SDK1: variants seen among roughly 807,000 people sequenced by gnomAD.
The protein encoded by SDK1 is sidekick cell adhesion molecule 1.
A neutral mutation model predicts 245.5 loss-of-function variants in SDK1; 157 were observed. That is an observed-to-expected ratio of 0.64 (90% CI 0.56 to 0.73). SDK1 has a LOEUF of 0.73. Ranked by LOEUF, SDK1 falls within the 30% of genes least tolerant of loss-of-function variation. The probability of loss-of-function intolerance (pLI) is 0.00; values close to 1 mark genes in which losing one functional copy is unlikely to be tolerated. For synonymous variants in SDK1, 1,647 were observed against 1,278.5 expected, an observed-to-expected ratio of 1.29 and a Z score of -6.15; for missense variants, 3,583 against 3,002.3, an observed-to-expected ratio of 1.19 and a Z score of -4.52.
intron 35 of SDK1, among the ~76,000 whole-genome samples, chr7:4,199,512 T>C (rs1458649494): frequency 6.6e-6 from 1 of 152,200 alleles, no homozygotes; most frequent in Non-Finnish European, 1.5e-5. Flanking sequence ...ACCTTTAAAA[T>C]GGAAATATCT....
chr7:4,075,799 C>T (rs1007288820), intron 20 of SDK1, among the ~76,000 whole-genome samples: 2 of 151,948 alleles, frequency 1.3e-5, no homozygotes, highest in Non-Finnish European at 2.9e-5. Flanking sequence ...GGATTACAGG[C>T]GCCCACCACC....
chr7:3,745,678 C>T (rs1209332473), intron 4 of SDK1, among the ~76,000 whole-genome samples: 1 of 152,128 alleles, frequency 6.6e-6, no homozygotes, highest in East Asian at 1.9e-4. Context: ...TATAAAACTC[C>T]CCTGTTGCAC....
At chr7:4,228,255 G>A (rs1785553418) in intron 40 of SDK1, among the ~76,000 whole-genome samples, 1 of 152,152 alleles carries the variant, frequency 6.6e-6, no homozygotes, top group African/African-American at 2.4e-5. Flanking sequence ...CTCCAATGGC[G>A]TTTCAGTAAC....
At chr7:4,059,949 G>C (rs893490162) in intron 19 of SDK1, among the ~76,000 whole-genome samples, 1 of 149,700 alleles carries the variant, frequency 6.7e-6, no homozygotes, top group Non-Finnish European at 1.5e-5. Flanking sequence ...GCGCAGTCTC[G>C]GCTCACTGCA....
At chr7:3,974,136 A>G (rs912546260) in intron 12 of SDK1, among the ~76,000 whole-genome samples, 2 of 147,464 alleles carry the variant, frequency 1.4e-5, no homozygotes, top group African/African-American at 5.1e-5. Flanking sequence ...GTGGGCCAAG[A>G]TCATGCCACT....
At chr7:3,399,840 C>A (rs1229126689) in intron 1 of SDK1, among the ~76,000 whole-genome samples, 1 of 152,080 alleles carries the variant, frequency 6.6e-6, no homozygotes, top group African/African-American at 2.4e-5. Context: ...CCACTGTGGA[C>A]ATCTCATTTC....
At chr7:4,098,440 G>C (rs1019149942) in intron 22 of SDK1, among the ~76,000 whole-genome samples, 8 of 152,106 alleles carry the variant, frequency 5.3e-5, no homozygotes, top group Non-Finnish European at 7.3e-5. Context: ...AGATTTGCCT[G>C]TGTGTTTCAT....
At chr7:4,108,004 T>C (rs570912892) in intron 22 of SDK1, among the ~76,000 whole-genome samples, 1 of 152,358 alleles carries the variant, frequency 6.6e-6, no homozygotes, top group South Asian at 2.1e-4. Flanking sequence ...GGCCCATTTA[T>C]GCATCAGCTG....
intron 1 of SDK1, among the ~76,000 whole-genome samples, chr7:3,425,849 C>G (rs944279850): frequency 2.6e-5 from 4 of 152,062 alleles, no homozygotes; most frequent in Admixed American, 1.3e-4. Flanking sequence ...GAGACTTTCC[C>G]TCAGCAAGAT....
At chr7:3,421,611 T>C (rs938939951) in intron 1 of SDK1, among the ~76,000 whole-genome samples, 3 of 152,170 alleles carry the variant, frequency 2.0e-5, no homozygotes, top group Admixed American at 1.3e-4. Flanking sequence ...GAAGTGAAAT[T>C]AGTGGAGAAT....
chr7:3,995,819 A>AT (rs10605028), intron 14 of SDK1, among the ~76,000 whole-genome samples: 155 of 144,638 alleles, frequency 1.1e-3, no homozygotes, highest in East Asian at 2.1e-3. Context: ...GGCCTTAGGG[A>AT]TTTTTTTTTT....
In SDK1 at chr7:4,051,705, G is replaced by A. The variant is rs758889848; in HGVS notation, c.2786G>A (p.Gly929Glu). Residue 929 changes from glycine (G) to glutamate (E), a missense_variant, in exon 19 of 45, where the codon GGA (glycine) becomes GAA (glutamate). Coordinates refer to ENST00000404826, the MANE Select transcript of SDK1 (RefSeq NM_152744.4). Reference sequence around the variant, plus strand: ...GTCACTATTGCCCCAGATTTCCACGGAGTCCACCATGGACACATAACGAAC... The same window carrying A: ...GTCACTATTGCCCCAGATTTCCACGAAGTCCACCATGGACACATAACGAAC... ...TVVTIAPDFH[G>E]VHHGHITNLK... 2 of 1,613,564 alleles carry A rather than the reference G, an allele frequency of 1.2e-6. No homozygotes were observed. The highest frequency in any genetic ancestry group is 1.7e-6 in the Non-Finnish European group (2 of 1,179,806).
At chr7:3,783,775 C>T (rs1780820881) in intron 4 of SDK1, among the ~76,000 whole-genome samples, 1 of 152,128 alleles carries the variant, frequency 6.6e-6, no homozygotes, top group African/African-American at 2.4e-5. Flanking sequence ...AATGGCCATA[C>T]TACCAAAACC....
chr7:3,497,592 T>C (rs1782064765), intron 1 of SDK1, among the ~76,000 whole-genome samples: 1 of 152,174 alleles, frequency 6.6e-6, no homozygotes, highest in Non-Finnish European at 1.5e-5. Context: ...TTCACAGAAA[T>C]AACATTTAAT....
chr7:4,227,885 G>T (rs757711826), intron 40 of SDK1, among the ~76,000 whole-genome samples: 2 of 152,196 alleles, frequency 1.3e-5, no homozygotes, highest in African/African-American at 4.8e-5. Flanking sequence ...CCGCTTGGGC[G>T]GGGGGAGATG....
intron 1 of SDK1, among the ~76,000 whole-genome samples, chr7:3,378,354 A>C (rs189214718): frequency 6.6e-6 from 1 of 152,230 alleles, no homozygotes; most frequent in Non-Finnish European, 1.5e-5. Flanking sequence ...TTGTTAGTTC[A>C]TAAGACCTTG....
In SDK1 at chr7:4,268,672, A is replaced by C. The variant is rs1415537916; in HGVS notation, c.*3288A>C. On this transcript the variant is annotated 3_prime_UTR_variant, in exon 45 of 45. Transcript: ENST00000404826. ...TTTTTATTTCTTACGCATTCTTGGC[A>C]CACAGTGTAGCTATCCTCCTGACGA... 1 of 1,367,876 alleles carries C rather than the reference A, an allele frequency of 7.3e-7. No individual in the cohort carries two copies. 84.7% of individuals were successfully genotyped at this position (1,367,876 alleles called of 1,614,324 possible).
At chr7:3,381,917 A>C (rs1781497490) in intron 1 of SDK1, among the ~76,000 whole-genome samples, 1 of 152,178 alleles carries the variant, frequency 6.6e-6, no homozygotes, top group Non-Finnish European at 1.5e-5. Context: ...TTTTTGAATG[A>C]TACCTACTAG....
chr7:3,612,043 G>T (rs116282494), intron 1 of SDK1, among the ~76,000 whole-genome samples: 117 of 152,230 alleles, frequency 7.7e-4, no homozygotes, highest in African/African-American at 2.6e-3. Flanking sequence ...TGGGAGCTAA[G>T]CTGTGAGGAT....
Sources: gnomAD v4.1 joint callset for allele counts (sites outside exome capture counted in the v4.1 genomes callset) on GRCh38, gnomAD v4.1.1 for gene constraint, MANE v1.5 for transcripts, NCBI Gene and HGNC (gene_info 2026-07-23, HGNC 2026-07-21) for gene names.